The following RASGRP1 variants were observed in gnomAD, a reference collection of about 807,000 sequenced individuals.
The protein encoded by RASGRP1 is RAS guanyl releasing protein 1.
In RASGRP1, 37 loss-of-function variants were observed where a neutral mutation model predicts 95.1. The observed-to-expected ratio is 0.39, with a 90% CI of 0.30 to 0.51. RASGRP1 has a LOEUF of 0.51. Among genes scored for constraint, RASGRP1 ranks in the 20% least tolerant of loss-of-function variants. RASGRP1 has a pLI of 0.80. For missense variants in RASGRP1, 711 were observed against 965.4 expected (o/e 0.74, Z 3.49); for synonymous variants, 325 against 353.4 (o/e 0.92, Z 0.90).
At chr15:38,501,959 A>G (rs1160197811) in intron 12 of RASGRP1, among the ~76,000 whole-genome samples, 1 of 150,848 alleles carries the variant, frequency 6.6e-6, no homozygotes, top group Non-Finnish European at 1.5e-5. Flanking sequence ...GGTTCAAACA[A>G]CTCTCCTGCC....
At chr15:38,537,495 G>A (rs896555745) in intron 2 of RASGRP1, among the ~76,000 whole-genome samples, 1 of 152,092 alleles carries the variant, frequency 6.6e-6, no homozygotes, top group African/African-American at 2.4e-5. Flanking sequence ...GCAACCCCAT[G>A]GCTCATAGAC....
chr15:38,502,085 G>A (rs2141091724), intron 12 of RASGRP1, among the ~76,000 whole-genome samples: 1 of 152,214 alleles, frequency 6.6e-6, no homozygotes, highest in East Asian at 1.9e-4. Context: ...GAACTCCTGA[G>A]CTCAGGTGAT....
In RASGRP1 at chr15:38,501,204, G is replaced by A; in HGVS notation, c.1622C>T (p.Pro541Leu). 6.2e-7 allele frequency: 1 copy of A among 1,613,094 alleles called. No homozygotes were observed. The highest frequency in any genetic ancestry group is 8.5e-7 in the Non-Finnish European group (1 of 1,179,298). The change falls in exon 13 of 17, where the codon CCT becomes CTT. Residue 541 changes from proline to leucine, a missense_variant. Pro to Leu is a moderately conservative substitution (Grantham distance 98). Transcript: ENST00000310803. The part of the protein sequence containing the change: ...SIYSKLGLGF[P>L]HNFQETTYLK... ...GTAGGTGGTCTCTTGGAAGTTGTGA[G>A]GAAAGCCCAGGCCCAGCTTGGAATA...
At chr15:38,554,689 G>C (rs1275959639) in intron 2 of RASGRP1, among the ~76,000 whole-genome samples, 1 of 152,216 alleles carries the variant, frequency 6.6e-6, no homozygotes, top group African/African-American at 2.4e-5. Context: ...GGAATAAATA[G>C]TGTCCAGTCT....
At position 38,564,814 on chromosome 15, in the gene RASGRP1, C is replaced by A; in HGVS notation, c.-186G>T. The A allele has an allele frequency of 3.0e-6, 1 of 328,722 alleles. No individual in the cohort carries two copies. The highest frequency in any genetic ancestry group is 7.7e-5 in the East Asian group (1 of 12,974). The allele number at this position is 328,722 out of a possible 1,614,324, so 20.4% of individuals were successfully genotyped here. ...CGCAGGCACAAACTTTGTGCGAGCG[C>A]GCCCCCTCTGCCTCGCGCGCGCGCT... On this transcript the variant is annotated 5_prime_UTR_variant, in exon 1 of 17. Transcript: ENST00000310803.
At chr15:38,513,684 T>A (rs1891638024) in intron 6 of RASGRP1, among the ~76,000 whole-genome samples, 1 of 152,230 alleles carries the variant, frequency 6.6e-6, no homozygotes, top group African/African-American at 2.4e-5. Context: ...ACTGGAAATG[T>A]CCCTGAAGAT....
At chr15:38,545,607 C>T (rs1394844095) in intron 2 of RASGRP1, among the ~76,000 whole-genome samples, 1 of 151,710 alleles carries the variant, frequency 6.6e-6, no homozygotes. Context: ...GCATGATTTA[C>T]AGCTGTTAGT....
intron 8 of RASGRP1, among the ~76,000 whole-genome samples, chr15:38,510,695 C>T (rs1891474822): frequency 6.6e-6 from 1 of 152,252 alleles, no homozygotes; most frequent in Admixed American, 6.5e-5. Flanking sequence ...CTCAGTGGCT[C>T]ATGCCTGTAA....
intron 14 of RASGRP1, among the ~76,000 whole-genome samples, chr15:38,499,410 A>G (rs1213157770): frequency 6.6e-6 from 1 of 152,178 alleles, no homozygotes; most frequent in Non-Finnish European, 1.5e-5. Context: ...GTTGCAGAAG[A>G]GATTCTATCT....
intron 6 of RASGRP1, among the ~76,000 whole-genome samples, 179 bp from the exon 7 acceptor site, chr15:38,513,135 GAAATCTTCCTT>G: frequency 6.6e-6 from 1 of 152,312 alleles, no homozygotes; most frequent in South Asian, 2.1e-4. Context: ...TGATGGGAGG[GAAATCTTCCTT>G]ATTCTACCCA....
intron 2 of RASGRP1, among the ~76,000 whole-genome samples, chr15:38,542,118 C>T (rs1892888627): frequency 6.6e-6 from 1 of 152,072 alleles, no homozygotes; most frequent in African/African-American, 2.4e-5. Flanking sequence ...CACTTGAACC[C>T]AGGAGTTCAA....
chr15:38,537,816 A>C (rs1445921289), intron 2 of RASGRP1, among the ~76,000 whole-genome samples: 1 of 152,242 alleles, frequency 6.6e-6, no homozygotes, highest in Non-Finnish European at 1.5e-5. Context: ...CCAACGCCAG[A>C]ACCCTCAAGA....
Position 38,508,020 on chromosome 15 carries a change from C to A in RASGRP1, c.967-19G>T. On this transcript the variant is annotated intron_variant, in intron 8 of 16. Coordinates refer to ENST00000310803, the MANE Select transcript of RASGRP1 (RefSeq NM_005739.4). ...CGAGAACCTACAAAGCAGAACAGAC[C>A]AATCACAGGTACCCGCTAGGCAGTG... 6.3e-7 allele frequency: 1 copy of A among 1,588,644 alleles called. No individual in the cohort carries two copies. Among genetic ancestry groups the A allele is most frequent in the South Asian group, 1.2e-5 (1 of 86,518 alleles).
At chr15:38,560,108 G>A (rs1033767283) in intron 1 of RASGRP1, 103 bp from the exon 2 acceptor site, 2 of 1,127,116 alleles carry the variant, frequency 1.8e-6, no homozygotes, top group Non-Finnish European at 2.6e-6. Context: ...AATCTCAGGA[G>A]CTGGGCTGAT....
intron 9 of RASGRP1, 148 bp from the exon 10 acceptor site, chr15:38,506,068 C>T (rs961268490): frequency 8.1e-6 from 5 of 619,070 alleles, no homozygotes; most frequent in Non-Finnish European, 8.6e-6. Context: ...ACAGGTATAA[C>T]ACCTACTATT....
rs148921915 is a variant in RASGRP1 at position 38,492,347 on chromosome 15, C to G, written c.2260-1659G>C. Reference sequence around the variant, plus strand: ...AAATCAAGAGTTCCACATACGTTATCTAACTTGTTTCTTCAGATGTTTCTC... The same window carrying G: ...AAATCAAGAGTTCCACATACGTTATGTAACTTGTTTCTTCAGATGTTTCTC... On this transcript the variant is annotated intron_variant, in intron 16 of 16. Transcript: ENST00000310803. Among the ~76,000 whole-genome samples the G allele has an allele frequency of 2.2e-4, 34 of 152,320 alleles. 1 individual carries two copies. Among genetic ancestry groups the G allele is most frequent in the African/African-American group, 7.9e-4 (33 of 41,568 alleles).
At chr15:38,542,842 T>TATATATATGTGTATATATATACAC (rs1892930069) in intron 2 of RASGRP1, among the ~76,000 whole-genome samples, 2 of 115,282 alleles carry the variant, frequency 1.7e-5, no homozygotes, top group African/African-American at 8.6e-5. Context: ...TGTGTATATA[T>TATATATATGTGTATATATATACAC]ATATATGTGT....
intron 4 of RASGRP1, 120 bp from the exon 5 acceptor site, chr15:38,518,543 G>T: frequency 3.6e-6 from 4 of 1,099,664 alleles, no homozygotes; most frequent in Non-Finnish European, 1.3e-6. Flanking sequence ...AGTCTGATTC[G>T]TCTATTAGTA....
chr15:38,564,409 A>AC (rs1893945839), intron 1 of RASGRP1, among the ~76,000 whole-genome samples, 185 bp downstream of exon 1: 1 of 151,706 alleles, frequency 6.6e-6, no homozygotes, highest in South Asian at 2.1e-4. Flanking sequence ...CCTCCCCGAA[A>AC]CCCCGGGCGC....
Sources: gnomAD v4.1 joint callset for allele counts (sites outside exome capture counted in the v4.1 genomes callset) on GRCh38, gnomAD v4.1.1 for gene constraint, MANE v1.5 for transcripts, NCBI Gene and HGNC (gene_info 2026-07-23, HGNC 2026-07-21) for gene names.